The following TCF4 variants were observed in gnomAD, a reference collection of about 807,000 sequenced individuals.
TCF4 encodes the protein transcription factor 4.
TCF4 carries 3 observed loss-of-function variants against 82.1 expected under a neutral mutation model. That is an observed-to-expected ratio of 0.04 (90% CI 0.02 to 0.09). The LOEUF is 0.09. TCF4 is among the 10% of genes least tolerant of loss of function. TCF4 has a pLI of 1.00. For missense variants in TCF4, 518 were observed against 852.7 expected (o/e 0.61, Z 4.89); for synonymous variants, 276 against 309.6 (o/e 0.89, Z 1.14).
chr18:55,580,081 A>T (rs1217426481), intron 3 of TCF4, among the ~76,000 whole-genome samples: 1 of 152,004 alleles, frequency 6.6e-6, no homozygotes, highest in Non-Finnish European at 1.5e-5. Flanking sequence ...CAAAAATGTT[A>T]AGCATTTCAG....
intron 2 of TCF4, among the ~76,000 whole-genome samples, chr18:55,628,309 T>C (rs1169606200): frequency 1.3e-5 from 2 of 152,194 alleles, no homozygotes; most frequent in African/African-American, 2.4e-5. Context: ...ACTGCTTTCC[T>C]GGCATCTGGT....
chr18:55,301,144 G>A (rs1465196321), intron 8 of TCF4, among the ~76,000 whole-genome samples: 1 of 152,110 alleles, frequency 6.6e-6, no homozygotes, highest in Non-Finnish European at 1.5e-5. Flanking sequence ...TAGAAGAAAA[G>A]TGACCCCAAT....
chr18:55,563,715 G>A (rs755569255), intron 3 of TCF4, among the ~76,000 whole-genome samples: 8 of 152,192 alleles, frequency 5.3e-5, no homozygotes, highest in African/African-American at 1.7e-4. Flanking sequence ...CCTAACATAC[G>A]ATATTAAGGT....
chr18:55,512,064 C>A (rs2096834198), intron 3 of TCF4, among the ~76,000 whole-genome samples: 1 of 152,090 alleles, frequency 6.6e-6, no homozygotes, highest in Non-Finnish European at 1.5e-5. Flanking sequence ...TAAAAGAACA[C>A]AACCAGATAC....
intron 8 of TCF4, among the ~76,000 whole-genome samples, chr18:55,331,818 A>G (rs1298762490): frequency 1.3e-5 from 2 of 152,210 alleles, no homozygotes; most frequent in Non-Finnish European, 1.5e-5. Flanking sequence ...TCTGCTGAGG[A>G]TCAGGGATGA....
intron 5 of TCF4, among the ~76,000 whole-genome samples, chr18:55,454,434 G>T (rs1431906527): frequency 2.0e-5 from 3 of 152,060 alleles, no homozygotes; most frequent in Non-Finnish European, 4.4e-5. Context: ...CTAATTCCCT[G>T]ATTCACTCGA....
At chr18:55,371,870 T>C (rs2089309114) in intron 6 of TCF4, among the ~76,000 whole-genome samples, 1 of 152,216 alleles carries the variant, frequency 6.6e-6, no homozygotes, top group African/African-American at 2.4e-5. Context: ...GTTTTGTGTC[T>C]CTGGCACTGA....
At chr18:55,252,698 T>C (rs551831902) in intron 15 of TCF4, among the ~76,000 whole-genome samples, 1 of 152,326 alleles carries the variant, frequency 6.6e-6, no homozygotes, top group African/African-American at 2.4e-5. Context: ...ATGCCCTGGG[T>C]GCATGTTACA....
chr18:55,326,401 C>CAAAAAAA (rs59228811), intron 8 of TCF4, among the ~76,000 whole-genome samples: 3 of 26,382 alleles, frequency 1.1e-4, no homozygotes, highest in African/African-American at 3.8e-4. Flanking sequence ...AGAGCAGCAG[C>CAAAAAAA]AAAAAAAAAA....
At chr18:55,309,408 C>A (rs1271667739) in intron 8 of TCF4, among the ~76,000 whole-genome samples, 2 of 152,058 alleles carry the variant, frequency 1.3e-5, no homozygotes, top group African/African-American at 2.4e-5. Context: ...AGGCATAAGC[C>A]ACTGTGCCTG....
upstream of TCF4, among the ~76,000 whole-genome samples, chr18:55,592,214 A>G (rs1164744045): frequency 1.3e-5 from 2 of 152,190 alleles, no homozygotes; most frequent in African/African-American, 4.8e-5. Flanking sequence ...GAACCTGTTC[A>G]TAAATCCTCA....
rs1327164827 is a variant in TCF4, at chr18:55,470,616, CA to C, written c.146-6480del. Reference sequence around the variant, plus strand: ...AACTTTCAGCTTGATTTGAAATAAACAAGTATGAAAGTTACCTAGATTGATT... The same window carrying C: ...AACTTTCAGCTTGATTTGAAATAAACAGTATGAAAGTTACCTAGATTGATT... On this transcript the variant is annotated intron_variant, in intron 3 of 19. Transcript: ENST00000354452. Among the ~76,000 whole-genome samples, 4 of 152,196 alleles carry C rather than the reference CA, an allele frequency of 2.6e-5. No homozygotes were observed. The East Asian group carries it at 7.7e-4, about 29-fold the overall frequency.
In TCF4 at chr18:55,562,723, G is replaced by A. The variant is rs553256233; in HGVS notation, c.145+22557C>T. Among the ~76,000 whole-genome samples, 20 of 152,234 alleles carry A rather than the reference G, an allele frequency of 1.3e-4. No individual in the cohort carries two copies. In the South Asian group the frequency reaches 3.5e-3, roughly 27 times the overall value. On this transcript the variant is annotated intron_variant, in intron 3 of 19. Coordinates refer to ENST00000354452, the MANE Select transcript of TCF4 (RefSeq NM_001083962.2). ...CCATAACTAAGTACTAAATGTACTT[G>A]TATATGGTTAATATTTTTCTTTATA...
chr18:55,365,154 AAAATATATATATATAT>A (rs2086531625), intron 6 of TCF4, among the ~76,000 whole-genome samples: 1 of 52,420 alleles, frequency 1.9e-5, no homozygotes, highest in African/African-American at 1.1e-4. Context: ...CTCCATCTCC[AAAATATATATATATAT>A]ATATATATAT....
chr18:55,401,468 A>T (rs2093815395), intron 6 of TCF4: 1 of 994,906 alleles, frequency 1.0e-6, no homozygotes, highest in East Asian at 1.1e-4. Context: ...ATACAAAAGA[A>T]TTTTCCTGGA....
At chr18:55,522,728 C>G (rs1206461840) in intron 3 of TCF4, among the ~76,000 whole-genome samples, 2 of 151,920 alleles carry the variant, frequency 1.3e-5, no homozygotes, top group African/African-American at 4.8e-5. Context: ...AAATATCTAC[C>G]ATAAACACAC....
chr18:55,358,892 A>G (rs1220829022), intron 6 of TCF4, among the ~76,000 whole-genome samples: 1 of 152,206 alleles, frequency 6.6e-6, no homozygotes, highest in East Asian at 1.9e-4. Context: ...TACCCATGGT[A>G]AGAATTCAGT....
intron 8 of TCF4, among the ~76,000 whole-genome samples, chr18:55,289,843 T>C (rs1009952823): frequency 6.6e-6 from 1 of 151,374 alleles, no homozygotes; most frequent in South Asian, 2.1e-4. Flanking sequence ...CTGCTAAGGA[T>C]AGCCAGTTGC....
At chr18:55,607,785 T>A (rs1304631522) in intron 2 of TCF4, among the ~76,000 whole-genome samples, 1 of 152,212 alleles carries the variant, frequency 6.6e-6, no homozygotes, top group African/African-American at 2.4e-5. Flanking sequence ...GCTAATTCCA[T>A]TTAAGGAATG....
Sources: allele counts gnomAD v4.1 joint callset (sites outside exome capture counted in the v4.1 genomes callset), GRCh38; gene constraint gnomAD v4.1.1; transcripts MANE v1.5; gene names NCBI Gene and HGNC (gene_info 2026-07-23, HGNC 2026-07-21).